The following COL22A1 variants were observed in gnomAD, a reference collection of about 807,000 sequenced individuals.
The protein encoded by COL22A1 is collagen alpha-1(XXII) chain.
A neutral mutation model predicts 248.9 loss-of-function variants in COL22A1; 221 were observed. The observed-to-expected ratio is 0.89, with a 90% CI of 0.80 to 0.99. The LOEUF (loss-of-function observed/expected upper bound fraction) is 0.99. Among genes scored for constraint, COL22A1 ranks in the 50% least tolerant of loss-of-function variants. The pLI is 0.00. For synonymous variants in COL22A1, 891 were observed against 793.4 expected, an observed-to-expected ratio of 1.12 and a Z score of -2.07; for missense variants, 2,240 against 2,179.0, an observed-to-expected ratio of 1.03 and a Z score of -0.56.
At chr8:138,860,277 C>T (rs1397956405) in intron 3 of COL22A1, among the ~76,000 whole-genome samples, 1 of 152,142 alleles carries the variant, frequency 6.6e-6, no homozygotes, top group Non-Finnish European at 1.5e-5. Flanking sequence ...TAAGAGGTGT[C>T]CACATGTGTA....
At chr8:138,779,710 C>A in intron 13 of COL22A1, 148 bp from the exon 14 acceptor site, 1 of 611,498 alleles carries the variant, frequency 1.6e-6, no homozygotes, top group East Asian at 2.8e-5. Flanking sequence ...AGGGCCCGGG[C>A]TCCCCTCAGA....
At chr8:138,861,663 C>T (rs1426494945) in intron 3 of COL22A1, among the ~76,000 whole-genome samples, 1 of 152,204 alleles carries the variant, frequency 6.6e-6, no homozygotes, top group Non-Finnish European at 1.5e-5. Flanking sequence ...CCACAGGCAC[C>T]TCTCACTTGG....
intron 3 of COL22A1, among the ~76,000 whole-genome samples, chr8:138,870,331 G>T (rs1407871584): frequency 2.0e-5 from 3 of 151,744 alleles, no homozygotes; most frequent in Non-Finnish European, 4.4e-5. Flanking sequence ...TAGAATGTGT[G>T]TTATATATGT....
chr8:138,628,468 G>A (rs1820432164), intron 50 of COL22A1, among the ~76,000 whole-genome samples: 1 of 152,098 alleles, frequency 6.6e-6, no homozygotes, highest in African/African-American at 2.4e-5. Context: ...CCCAGCAGAT[G>A]GAGGTTGCAG....
At chr8:138,870,793 GGA>G (rs1823279380) in intron 3 of COL22A1, among the ~76,000 whole-genome samples, 1 of 151,480 alleles carries the variant, frequency 6.6e-6, no homozygotes, top group South Asian at 2.1e-4. Flanking sequence ...TGTGTAGTGT[GGA>G]GAGTGTGTGT....
At chr8:138,681,438 G>A (rs7839680) in intron 39 of COL22A1, among the ~76,000 whole-genome samples, 28,191 of 152,046 alleles carry the variant, frequency 0.19, 2,604 homozygotes, top group South Asian at 0.21. Flanking sequence ...GTCTCCTACT[G>A]TTAGATCAGT....
chr8:138,785,012 C>T (rs1357764651), intron 12 of COL22A1, among the ~76,000 whole-genome samples: 2 of 152,190 alleles, frequency 1.3e-5, no homozygotes, highest in Non-Finnish European at 2.9e-5. Flanking sequence ...CCTCACCCTA[C>T]CTTCGGGCAC....
intron 4 of COL22A1, 92 bp from the exon 5 acceptor site, chr8:138,833,242 G>C: frequency 1.2e-6 from 1 of 809,318 alleles, no homozygotes; most frequent in East Asian, 2.5e-5. Context: ...AAGGCAGCCT[G>C]CCCATCCTGC....
At chr8:138,912,454 C>T (rs1396791476) in intron 1 of COL22A1, among the ~76,000 whole-genome samples, 5 of 152,208 alleles carry the variant, frequency 3.3e-5, no homozygotes, top group Admixed American at 3.3e-4. Flanking sequence ...GGAGTGTCGG[C>T]ATGGGCCCAG....
rs73366880 is a variant in COL22A1 at position 138,834,864 on chromosome 8, T to G, written c.734-1714A>C. On this transcript the variant is annotated intron_variant, in intron 4 of 64. Transcript: ENST00000303045. The stretch of plus-strand genomic sequence containing the variant: ...TGAGAGCTTCCAATATGCCAAGCCC[T>G]GTGAGCTCCAGGGTTGGAGCAGGCA... 2.8e-3 allele frequency among the ~76,000 whole-genome samples: 423 copies of G among 152,314 alleles called. 2 individuals carry two copies. The highest frequency in any genetic ancestry group is 9.6e-3 in the African/African-American group (397 of 41,562).
At chr8:138,692,767 TCTG>T (rs1454472811) in intron 35 of COL22A1, among the ~76,000 whole-genome samples, 1 of 151,932 alleles carries the variant, frequency 6.6e-6, no homozygotes. Flanking sequence ...TTGCCTACAC[TCTG>T]CTTCCATTCC....
At chr8:138,672,827 G>C (rs866196104) in intron 41 of COL22A1, among the ~76,000 whole-genome samples, 3 of 152,162 alleles carry the variant, frequency 2.0e-5, no homozygotes, top group African/African-American at 7.2e-5. Flanking sequence ...CTGAGGGCCC[G>C]AGTAGGAAGG....
intron 43 of COL22A1, 50 bp from the exon 44 acceptor site, chr8:138,660,530 G>C: frequency 6.5e-7 from 1 of 1,539,998 alleles, no homozygotes; most frequent in African/African-American, 1.4e-5. Context: ...ACACGATCCT[G>C]ACCCACTCTA....
chr8:138,742,566 TAGTG>T (rs1831697899), intron 22 of COL22A1, among the ~76,000 whole-genome samples: 1 of 151,848 alleles, frequency 6.6e-6, no homozygotes, highest in Non-Finnish European at 1.5e-5. Context: ...GTGGTAGTGA[TAGTG>T]ATGATGATGG....
chr8:138,683,748 T>G (rs1367448745), intron 39 of COL22A1, among the ~76,000 whole-genome samples: 5 of 152,080 alleles, frequency 3.3e-5, no homozygotes, highest in Non-Finnish European at 7.4e-5. Context: ...AAGACTCCCA[T>G]AGACCTAGTG....
At chr8:138,654,248 C>T (rs1377866788) in intron 45 of COL22A1, among the ~76,000 whole-genome samples, 1 of 151,962 alleles carries the variant, frequency 6.6e-6, no homozygotes, top group African/African-American at 2.4e-5. Flanking sequence ...AGAATCCAGG[C>T]TAATAAAAGC....
intron 53 of COL22A1, among the ~76,000 whole-genome samples, chr8:138,617,208 A>G (rs1028307245): frequency 2.0e-5 from 3 of 152,038 alleles, no homozygotes; most frequent in Non-Finnish European, 1.5e-5. Context: ...AATGCCTCAG[A>G]GTGTTGGGGC....
At chr8:138,865,512 T>A (rs1459364199) in intron 3 of COL22A1, among the ~76,000 whole-genome samples, 1 of 151,606 alleles carries the variant, frequency 6.6e-6, no homozygotes, top group Non-Finnish European at 1.5e-5. Flanking sequence ...TATGTTTGTA[T>A]GCCTGTGTGT....
chr8:138,596,704 G>C (rs184616233), intron 62 of COL22A1, among the ~76,000 whole-genome samples, 200 bp downstream of exon 62: 3 of 152,320 alleles, frequency 2.0e-5, no homozygotes, highest in Admixed American at 2.0e-4. Context: ...AGTGAAAGCT[G>C]AAGGACTAGT....
Sources: allele counts gnomAD v4.1 joint callset (sites outside exome capture counted in the v4.1 genomes callset), GRCh38; gene constraint gnomAD v4.1.1; transcripts MANE v1.5; gene names NCBI Gene and HGNC (gene_info 2026-07-23, HGNC 2026-07-21).